GRIA2: variants seen among roughly 807,000 people sequenced by gnomAD.
GRIA2 encodes the protein glutamate receptor 2.
In GRIA2, 14 loss-of-function variants were observed where a neutral mutation model predicts 97.3. That is an observed-to-expected ratio of 0.14 (90% CI 0.10 to 0.23). GRIA2 has a LOEUF of 0.23. Ranked by LOEUF, GRIA2 falls within the 10% of genes least tolerant of loss-of-function variation. GRIA2 has a pLI of 1.00. For synonymous variants in GRIA2, 412 were observed against 387.8 expected, an observed-to-expected ratio of 1.06 and a Z score of -0.73; for missense variants, 558 against 1,069.8, an observed-to-expected ratio of 0.52 and a Z score of 6.67.
At chr4:157,337,353 CAT>C (rs952486599) in intron 11 of GRIA2, among the ~76,000 whole-genome samples, 4 of 152,016 alleles carry the variant, frequency 2.6e-5, no homozygotes, top group East Asian at 1.9e-4. Flanking sequence ...TACACACACA[CAT>C]GGAATAAACT....
In GRIA2 at chr4:157,363,606, A is replaced by G. The variant is rs945080123; in HGVS notation, c.*175A>G. On this transcript the variant is annotated 3_prime_UTR_variant, in exon 16 of 16. Coordinates refer to ENST00000264426, the MANE Select transcript of GRIA2 (RefSeq NM_001083619.3). ...TGTGACTGATCTCTCGTGATTGATA[A>G]GAACCTTTTGAGTGCCTTACACAAT... 9.8e-6 allele frequency: 12 copies of G among 1,230,416 alleles called. No homozygotes were observed. In the African/African-American group the frequency reaches 1.2e-4, roughly 13 times the overall value. 76.2% of individuals were successfully genotyped at this position (1,230,416 alleles called of 1,614,324 possible).
chr4:157,246,979 T>G (rs1730760959), intron 2 of GRIA2, among the ~76,000 whole-genome samples: 1 of 152,196 alleles, frequency 6.6e-6, no homozygotes, highest in Non-Finnish European at 1.5e-5. Context: ...ATATTTCATA[T>G]GCTTTAACTC....
chr4:157,297,851 A>G (rs1307565177), intron 2 of GRIA2, among the ~76,000 whole-genome samples: 2 of 152,076 alleles, frequency 1.3e-5, no homozygotes, highest in Non-Finnish European at 1.5e-5. Flanking sequence ...ATTAAAAATT[A>G]TACCAACAGG....
In GRIA2 at chr4:157,364,346, T is replaced by TA. The variant is rs1186967980; in HGVS notation, c.*918dup. The TA allele has an allele frequency of 3.9e-5, 6 of 152,546 alleles. No homozygotes were observed. The highest frequency in any genetic ancestry group is 1.4e-4 in the African/African-American group (6 of 41,558). The allele number at this position is 152,546 out of a possible 1,614,324, so 9.4% of individuals were successfully genotyped here. ...AGTTTGGTCATAAATCAAGTGAGTT[T>TA]AAAGACACTACCAAGTTGTTAGGTG... On this transcript the variant is annotated 3_prime_UTR_variant, in exon 16 of 16. Transcript: ENST00000264426.
chr4:157,299,286 G>T (rs1733506445), intron 2 of GRIA2, among the ~76,000 whole-genome samples: 1 of 152,152 alleles, frequency 6.6e-6, no homozygotes, highest in Non-Finnish European at 1.5e-5. Context: ...AACTATGCAT[G>T]GGGTTAATGT....
chr4:157,322,966 A>T (rs1734642109), intron 6 of GRIA2, among the ~76,000 whole-genome samples: 2 of 152,202 alleles, frequency 1.3e-5, no homozygotes, highest in Non-Finnish European at 2.9e-5. Flanking sequence ...AGCATTCCAT[A>T]GGATTTTAAA....
In GRIA2 at chr4:157,225,621, C is replaced by CTT. The variant is rs34394801; in HGVS notation, c.229+3827_229+3828dup. Among the ~76,000 whole-genome samples the CTT allele has an allele frequency of 1.9e-3, 268 of 143,926 alleles. 1 individual carries two copies. Among genetic ancestry groups the CTT allele is most frequent in the Middle Eastern group, 7.0e-3 (2 of 286 alleles). The allele number at this position is 143,926 out of a possible 152,430, so 94.4% of individuals were successfully genotyped here. A position where few individuals can be genotyped will look rare whatever the true frequency, so the allele number is the denominator to read the frequency against. Reference sequence around the variant, plus strand: ...AAATGACTGCTTTTTTTCATGTTAACTTTTTTTTTTTTTTCTAGCCTTTTC... The same window carrying CTT: ...AAATGACTGCTTTTTTTCATGTTAACTTTTTTTTTTTTTTTTCTAGCCTTTTC... On this transcript the variant is annotated intron_variant, in intron 2 of 15. Transcript: ENST00000264426.
At chr4:157,255,848 T>C (rs967703764) in intron 2 of GRIA2, among the ~76,000 whole-genome samples, 5 of 151,704 alleles carry the variant, frequency 3.3e-5, no homozygotes, top group African/African-American at 1.2e-4. Flanking sequence ...GGACAAAGGA[T>C]ATGAATAGTC....
At chr4:157,254,056 T>C (rs949115801) in intron 2 of GRIA2, among the ~76,000 whole-genome samples, 3 of 151,954 alleles carry the variant, frequency 2.0e-5, no homozygotes, top group African/African-American at 7.2e-5. Context: ...GTCACAGGGT[T>C]AGACTAAAAA....
chr4:157,250,442 A>G (rs145852457), intron 2 of GRIA2, among the ~76,000 whole-genome samples: 7 of 152,214 alleles, frequency 4.6e-5, no homozygotes, highest in Non-Finnish European at 7.4e-5. Flanking sequence ...AATTTTCGCA[A>G]TTGAAGAAAA....
intron 2 of GRIA2, among the ~76,000 whole-genome samples, chr4:157,232,715 T>C (rs1730075939): frequency 6.6e-6 from 1 of 152,164 alleles, no homozygotes; most frequent in Non-Finnish European, 1.5e-5. Flanking sequence ...ACACACAAGT[T>C]CAGGGTTGTC....
intron 2 of GRIA2, among the ~76,000 whole-genome samples, chr4:157,292,708 G>T (rs981591306): frequency 1.3e-5 from 2 of 152,054 alleles, no homozygotes; most frequent in Non-Finnish European, 2.9e-5. Flanking sequence ...TATAAAAATA[G>T]ATGCACTTTC....
At chr4:157,330,018 A>G (rs1734978285) in intron 6 of GRIA2, among the ~76,000 whole-genome samples, 1 of 151,930 alleles carries the variant, frequency 6.6e-6, no homozygotes, top group Non-Finnish European at 1.5e-5. Context: ...TGGAATAAAA[A>G]CAGTGGTGGC....
chr4:157,293,539 C>T (rs749932755), intron 2 of GRIA2, among the ~76,000 whole-genome samples: 2 of 152,088 alleles, frequency 1.3e-5, no homozygotes, highest in Non-Finnish European at 2.9e-5. Context: ...AGGTACATCC[C>T]ACATTATTGT....
intron 2 of GRIA2, among the ~76,000 whole-genome samples, chr4:157,237,553 T>A (rs1730309987): frequency 1.3e-5 from 2 of 152,152 alleles, no homozygotes; most frequent in Admixed American, 6.6e-5. Context: ...GTTCTGGGAC[T>A]ATAGGTGTGA....
chr4:157,239,336 TA>T (rs1240631609), intron 2 of GRIA2, among the ~76,000 whole-genome samples: 2 of 152,080 alleles, frequency 1.3e-5, no homozygotes, highest in Non-Finnish European at 2.9e-5. Flanking sequence ...TATGACTTTT[TA>T]AAAGGTACTG....
intron 2 of GRIA2, among the ~76,000 whole-genome samples, chr4:157,254,479 A>G (rs1281495419): frequency 2.6e-5 from 4 of 152,098 alleles, no homozygotes; most frequent in African/African-American, 9.7e-5. Flanking sequence ...GTTAATATCC[A>G]TAGTCTATAG....
chr4:157,315,517 TTG>T (rs1294247277), intron 4 of GRIA2, among the ~76,000 whole-genome samples: 5 of 138,248 alleles, frequency 3.6e-5, no homozygotes, highest in African/African-American at 1.5e-4. Context: ...GGGTTTTTTT[TTG>T]TTTGTTTGTT....
intron 2 of GRIA2, among the ~76,000 whole-genome samples, chr4:157,272,002 C>T (rs987457570): frequency 2.6e-4 from 40 of 152,128 alleles, no homozygotes; most frequent in Non-Finnish European, 5.0e-4. Flanking sequence ...CATTTTTCTG[C>T]AAAGTAAACA....
Sources: gnomAD v4.1 joint callset for allele counts (sites outside exome capture counted in the v4.1 genomes callset) on GRCh38, gnomAD v4.1.1 for gene constraint, MANE v1.5 for transcripts, NCBI Gene and HGNC (gene_info 2026-07-23, HGNC 2026-07-21) for gene names.